Variants in SAXO1 observed in about 807,000 individuals in gnomAD.
SAXO1 encodes the protein stabilizer of axonemal microtubules 1, also known as 4930500O09Rik.
A neutral mutation model predicts 17.5 loss-of-function variants in SAXO1; 21 were observed. That is an observed-to-expected ratio of 1.20 (90% CI 0.85 to 1.72). The LOEUF (loss-of-function observed/expected upper bound fraction) is 1.72. Ranked by LOEUF, SAXO1 falls within the 40% of genes most tolerant of loss-of-function variation. SAXO1 has a pLI of 0.00. For synonymous variants in SAXO1, 274 were observed against 216.5 expected, an observed-to-expected ratio of 1.27 and a Z score of -2.33; for missense variants, 843 against 596.0, an observed-to-expected ratio of 1.41 and a Z score of -4.32.
intron 1 of SAXO1, among the ~76,000 whole-genome samples, chr9:18,997,092 T>C (rs533805734): frequency 6.6e-6 from 1 of 151,938 alleles, no homozygotes; most frequent in Non-Finnish European, 1.5e-5. Context: ...TTGGGAATGG[T>C]TGGACAGTGG....
At chr9:19,008,823 G>T (rs1310546629) in intron 1 of SAXO1, among the ~76,000 whole-genome samples, 1 of 152,144 alleles carries the variant, frequency 6.6e-6, no homozygotes, top group African/African-American at 2.4e-5. Flanking sequence ...CCAAGGGCAG[G>T]TCCAGGAGCA....
chr9:19,033,727 T>C (rs1049538681), upstream of SAXO1, among the ~76,000 whole-genome samples: 1 of 152,226 alleles, frequency 6.6e-6, no homozygotes, highest in Non-Finnish European at 1.5e-5. Flanking sequence ...TAATGATGCC[T>C]TGAAGCAGGC....
chr9:18,997,319 T>A (rs562836623), intron 1 of SAXO1, among the ~76,000 whole-genome samples: 1 of 152,240 alleles, frequency 6.6e-6, no homozygotes, highest in Non-Finnish European at 1.5e-5. Context: ...ACAGGTCACA[T>A]GCCCACAGAG....
chr9:18,993,048 C>G (rs1833870717), intron 1 of SAXO1, among the ~76,000 whole-genome samples: 2 of 152,204 alleles, frequency 1.3e-5, no homozygotes, highest in South Asian at 4.2e-4. Context: ...GATCTGCCCA[C>G]CTAGGCCTTC....
rs191807672 is a variant in SAXO1 at position 19,004,533 on chromosome 9, G to T, written c.38+28338C>A. On this transcript the variant is annotated intron_variant, in intron 1 of 3. Transcript: ENST00000380534. ...CATATACACCATGGAATACTATGCA[G>T]CCATAAAAAAGGATGACTTCATGTC... Among the ~76,000 whole-genome samples the T allele has an allele frequency of 3.4e-4, 52 of 152,338 alleles. No homozygotes were observed. In the East Asian group the frequency reaches 9.4e-3, roughly 28 times the overall value.
chr9:18,959,719 C>G (rs1832406742), intron 1 of SAXO1, among the ~76,000 whole-genome samples: 1 of 150,578 alleles, frequency 6.6e-6, no homozygotes. Flanking sequence ...TGCAATGAGC[C>G]AAGACTGCGA....
chr9:18,959,875 C>G (rs1329145336), intron 1 of SAXO1, among the ~76,000 whole-genome samples: 2 of 152,084 alleles, frequency 1.3e-5, no homozygotes, highest in Non-Finnish European at 1.5e-5. Context: ...GTAGTAATGC[C>G]AAGGAGAGGC....
At chr9:18,974,708 T>C (rs1833067251) in intron 1 of SAXO1, among the ~76,000 whole-genome samples, 1 of 152,158 alleles carries the variant, frequency 6.6e-6, no homozygotes, top group Non-Finnish European at 1.5e-5. Flanking sequence ...GAGATATATA[T>C]ATACATGTAT....
upstream of SAXO1, among the ~76,000 whole-genome samples, chr9:19,036,872 G>C (rs185082828): frequency 9.0e-4 from 137 of 152,238 alleles, no homozygotes; most frequent in Admixed American, 1.7e-3. Flanking sequence ...AAATTGCACT[G>C]TGTGCCTGGT....
intron 1 of SAXO1, chr9:19,028,269 G>C: frequency 1.5e-6 from 1 of 650,610 alleles, no homozygotes; most frequent in Non-Finnish European, 2.6e-6. Context: ...CCAGCTGCTC[G>C]GGAGGCTGAG....
intron 1 of SAXO1, among the ~76,000 whole-genome samples, chr9:18,998,750 A>T (rs1834118921): frequency 6.6e-6 from 1 of 152,228 alleles, no homozygotes; most frequent in African/African-American, 2.4e-5. Flanking sequence ...AGCCCATTAG[A>T]CTAACAGCAG....
chr9:19,005,329 GA>G (rs373221240), intron 1 of SAXO1, among the ~76,000 whole-genome samples: 18 of 147,862 alleles, frequency 1.2e-4, no homozygotes, highest in African/African-American at 3.5e-4. Flanking sequence ...TAATCTTGGA[GA>G]AAAAAAAAAT....
chr9:18,931,278 G>A (rs1053669656), intron 3 of SAXO1, among the ~76,000 whole-genome samples: 6 of 152,130 alleles, frequency 3.9e-5, no homozygotes, highest in Non-Finnish European at 7.3e-5. Flanking sequence ...AATATGTAGC[G>A]TTTTGCATCT....
At chr9:18,989,846 A>T (rs748489172) in intron 1 of SAXO1, among the ~76,000 whole-genome samples, 19 of 152,184 alleles carry the variant, frequency 1.2e-4, no homozygotes, top group Non-Finnish European at 2.6e-4. Context: ...CTTCAACATC[A>T]TGAGTGAAGT....
intron 1 of SAXO1, among the ~76,000 whole-genome samples, chr9:18,989,818 T>G (rs560159184): frequency 2.0e-3 from 302 of 152,280 alleles, no homozygotes; most frequent in Middle Eastern, 0.014. Context: ...GATAAGCTGT[T>G]TACCTGTCCA....
At chr9:18,951,676 G>C (rs1265454792) in intron 1 of SAXO1, among the ~76,000 whole-genome samples, 1 of 152,086 alleles carries the variant, frequency 6.6e-6, no homozygotes, top group Non-Finnish European at 1.5e-5. Context: ...GTGTATGCCT[G>C]TCCCATCACT....
chr9:19,029,985 A>G (rs940955408), intron 1 of SAXO1, among the ~76,000 whole-genome samples: 5 of 152,192 alleles, frequency 3.3e-5, no homozygotes, highest in Admixed American at 6.5e-5. Context: ...AATAGAAAAT[A>G]TCTGTTTTCC....
intron 1 of SAXO1, among the ~76,000 whole-genome samples, chr9:19,029,156 G>C (rs1435533745): frequency 6.6e-6 from 1 of 152,178 alleles, no homozygotes; most frequent in East Asian, 1.9e-4. Context: ...AGGCCTCTGA[G>C]CATCTCCAGA....
chr9:19,006,695 T>TA (rs1360971008), intron 1 of SAXO1, among the ~76,000 whole-genome samples: 2 of 152,202 alleles, frequency 1.3e-5, no homozygotes, highest in African/African-American at 2.4e-5. Context: ...CAAATAGTGG[T>TA]AACAGCTGCA....
Sources: allele counts gnomAD v4.1 joint callset (sites outside exome capture counted in the v4.1 genomes callset), GRCh38; gene constraint gnomAD v4.1.1; transcripts MANE v1.5; gene names NCBI Gene and HGNC (gene_info 2026-07-23, HGNC 2026-07-21).